The following PIGL variants were observed in gnomAD, a reference collection of about 807,000 sequenced individuals.
PIGL encodes N-acetylglucosaminyl-phosphatidylinositol de-N-acetylase.
Under a neutral mutation model 31.1 loss-of-function variants are expected in PIGL, and 22 were observed. The ratio of observed to expected loss-of-function variants is 0.71; its 90% CI spans 0.51 to 1.01. The LOEUF (loss-of-function observed/expected upper bound fraction) is 1.01. Ranked by LOEUF, PIGL falls within the 50% of genes least tolerant of loss-of-function variation. PIGL has a pLI of 0.00. For missense variants in PIGL, 302 were observed against 315.9 expected (o/e 0.96, Z 0.33); for synonymous variants, 131 against 117.4 (o/e 1.12, Z -0.75).
At chr17:16,290,014 G>T (rs983750076) in intron 2 of PIGL, among the ~76,000 whole-genome samples, 1 of 152,020 alleles carries the variant, frequency 6.6e-6, no homozygotes, top group Admixed American at 6.6e-5. Context: ...AACCTCAGGT[G>T]ATCCGCCCAC....
At chr17:16,291,676 GC>G (rs2092961335) in intron 2 of PIGL, among the ~76,000 whole-genome samples, 1 of 151,880 alleles carries the variant, frequency 6.6e-6, no homozygotes. Context: ...GACCAGCCTG[GC>G]CAACATGGTG....
chr17:16,299,815 G>A, intron 2 of PIGL, 73 bp from the exon 3 acceptor site: 3 of 1,035,126 alleles, frequency 2.9e-6, no homozygotes, highest in East Asian at 2.4e-5. Flanking sequence ...AACTGGGCAT[G>A]CACCTACTGG....
chr17:16,217,696 G>A, intron 1 of PIGL: 2 of 533,598 alleles, frequency 3.7e-6, no homozygotes, highest in Non-Finnish European at 3.4e-6. Context: ...CAGAGAAACA[G>A]TTGCAGTTGG....
intron 2 of PIGL, among the ~76,000 whole-genome samples, chr17:16,271,608 C>T (rs746991167): frequency 3.3e-5 from 5 of 151,828 alleles, no homozygotes; most frequent in African/African-American, 7.2e-5. Context: ...CTTGGCTTAC[C>T]GCAACCTCCA....
At chr17:16,312,915 GA>G (rs1288204728) in intron 3 of PIGL, 8 of 105,084 alleles carry the variant, frequency 7.6e-5, no homozygotes, top group African/African-American at 2.4e-4. Context: ...ACCTTGGAAA[GA>G]GGGGAGGGGG....
At chr17:16,315,352 G>T (rs1386244887) in intron 4 of PIGL, among the ~76,000 whole-genome samples, 2 of 152,136 alleles carry the variant, frequency 1.3e-5, no homozygotes, top group Non-Finnish European at 2.9e-5. Flanking sequence ...ACCTTCTGTG[G>T]CATCTGGCCC....
At chr17:16,250,351 C>G (rs1351465008) in intron 2 of PIGL, among the ~76,000 whole-genome samples, 2 of 152,142 alleles carry the variant, frequency 1.3e-5, no homozygotes, top group Non-Finnish European at 2.9e-5. Context: ...ATATAGGGTT[C>G]AGTACCATCT....
chr17:16,231,039 T>C (rs180952039), intron 1 of PIGL, among the ~76,000 whole-genome samples: 85 of 150,148 alleles, frequency 5.7e-4, no homozygotes, highest in African/African-American at 2.0e-3. Context: ...TTTTCCTTTA[T>C]ATGGTTTTTT....
intron 1 of PIGL, among the ~76,000 whole-genome samples, chr17:16,231,046 T>C (rs2092676226): frequency 6.7e-6 from 1 of 149,290 alleles, no homozygotes; most frequent in Non-Finnish European, 1.5e-5. Flanking sequence ...TTATATGGTT[T>C]TTTTTTTGGT....
In PIGL at chr17:16,239,000, C is replaced by T. The variant is rs552277338; in HGVS notation, c.335+4930C>T. Among the ~76,000 whole-genome samples, 4 of 149,428 alleles carry T rather than the reference C, an allele frequency of 2.7e-5. No individual in the cohort carries two copies. The South Asian group carries it at 8.6e-4, about 32-fold the overall frequency. On this transcript the variant is annotated intron_variant, in intron 2 of 6. Transcript: ENST00000225609. ...TCAGATGATCCATCCGCCTTGGCCT[C>T]CCGAAGTGCTGGGATTACAGGCCGG...
chr17:16,315,681 T>G (rs1034460092), intron 4 of PIGL, among the ~76,000 whole-genome samples: 1 of 150,586 alleles, frequency 6.6e-6, no homozygotes, highest in Non-Finnish European at 1.5e-5. Flanking sequence ...TTTCAGTCTT[T>G]TCTTTTCTTT....
At chr17:16,322,612 G>GTT (rs1196403983) in intron 6 of PIGL, among the ~76,000 whole-genome samples, 2 of 152,148 alleles carry the variant, frequency 1.3e-5, no homozygotes, top group African/African-American at 4.8e-5. Flanking sequence ...ATAATTTACA[G>GTT]TTACAAACAT....
chr17:16,258,103 A>AGAGAGAGAGAGAGAGAGAGAGAGAGAGAG (rs2092803342), intron 2 of PIGL, among the ~76,000 whole-genome samples: 1 of 65,694 alleles, frequency 1.5e-5, no homozygotes, highest in Non-Finnish European at 2.9e-5. Flanking sequence ...GAGAGAGAGA[A>AGAGAGAGAGAGAGAGAGAGAGAGAGAGAG]AGAGAGAGAG....
intron 6 of PIGL, among the ~76,000 whole-genome samples, chr17:16,323,235 C>CTT (rs879720025): frequency 6.9e-6 from 1 of 144,522 alleles, no homozygotes; most frequent in Non-Finnish European, 1.5e-5. Flanking sequence ...TATATGTGGT[C>CTT]TTTTTTTTTT....
rs1195645878 is a variant in PIGL, at chr17:16,217,477, AG to A, written c.235+20del. ...TTCTCTGCAGGTAGGAGGCCATAGG[AG>A]GGGCGATGGGAGCCGGGGCTTTGAA... On this transcript the variant is annotated intron_variant, in intron 1 of 6. Coordinates refer to ENST00000225609, the MANE Select transcript of PIGL (RefSeq NM_004278.4). 6.3e-7 allele frequency: 1 copy of A among 1,589,952 alleles called. No homozygotes were observed. Among genetic ancestry groups the A allele is most frequent in the Non-Finnish European group, 8.6e-7 (1 of 1,158,236 alleles).
At chr17:16,223,317 GCCTGTAACCCCAGAACTTTGGGA>G (rs1428861799) in intron 1 of PIGL, among the ~76,000 whole-genome samples, 1 of 152,080 alleles carries the variant, frequency 6.6e-6, no homozygotes, top group African/African-American at 2.4e-5. Flanking sequence ...AGTGGCTCGT[GCCTGTAACCCCAGAACTTTGGGA>G]GGCCAAGGTG....
Position 16,260,309 on chromosome 17 carries a change from G to A in PIGL, c.335+26239G>A, listed in dbSNP as rs148643248. Among the ~76,000 whole-genome samples the A allele has an allele frequency of 8.4e-4, 128 of 152,362 alleles. 3 individuals carry two copies. Among genetic ancestry groups the A allele is most frequent in the African/African-American group, 3.0e-3 (123 of 41,592 alleles). ...CAGCCTGAAGCCTGTGGGCTGGGCT[G>A]CCAGTTCCATGGACTGGAGTGAGAA... On this transcript the variant is annotated intron_variant, in intron 2 of 6. Coordinates refer to ENST00000225609, the MANE Select transcript of PIGL (RefSeq NM_004278.4).
intron 3 of PIGL, among the ~76,000 whole-genome samples, chr17:16,308,967 T>C (rs1353756919): frequency 6.6e-6 from 1 of 152,102 alleles, no homozygotes; most frequent in East Asian, 1.9e-4. Context: ...AAAAAATTTC[T>C]TTCTGTAAAG....
chr17:16,274,618 G>A (rs2092886217), intron 2 of PIGL, among the ~76,000 whole-genome samples: 1 of 151,868 alleles, frequency 6.6e-6, no homozygotes, highest in Non-Finnish European at 1.5e-5. Flanking sequence ...AGCTACTTGG[G>A]AGGCTGAGGC....
Sources: allele counts gnomAD v4.1 joint callset (sites outside exome capture counted in the v4.1 genomes callset), GRCh38; gene constraint gnomAD v4.1.1; transcripts MANE v1.5; gene names NCBI Gene and HGNC (gene_info 2026-07-23, HGNC 2026-07-21).